Variants in GALNT2 observed in about 807,000 individuals in gnomAD.
GALNT2 encodes polypeptide N-acetylgalactosaminyltransferase 2.
In GALNT2, 31 loss-of-function variants were observed where a neutral mutation model predicts 81.4. The ratio of observed to expected loss-of-function variants is 0.38; its 90% CI spans 0.29 to 0.51. The LOEUF (loss-of-function observed/expected upper bound fraction) is 0.51. Ranked by LOEUF, GALNT2 falls within the 20% of genes least tolerant of loss-of-function variation. The probability of loss-of-function intolerance (pLI) is 0.87; values close to 1 mark genes in which losing one functional copy is unlikely to be tolerated. For synonymous variants in GALNT2, 303 were observed against 287.4 expected (o/e 1.05, Z -0.55); for missense variants, 629 against 765.7 (o/e 0.82, Z 2.11).
chr1:230,146,315 G>A lies in GALNT2; in HGVS notation c.127-31903G>A, dbSNP rs577291423. Among the ~76,000 whole-genome samples, 7 of 152,328 alleles carry A rather than the reference G, an allele frequency of 4.6e-5. No individual in the cohort carries two copies. In the South Asian group the frequency reaches 1.2e-3, roughly 27 times the overall value. On this transcript the variant is annotated intron_variant, in intron 1 of 15. Coordinates refer to ENST00000366672, the MANE Select transcript of GALNT2 (RefSeq NM_004481.5). The stretch of plus-strand genomic sequence containing the variant: ...CCGCACCAGGTCTGAGAACTTGTTC[G>A]CAGCTATTCATGTCTTATGTGTGCC...
chr1:230,226,529 T>G (rs1170434140), intron 3 of GALNT2, among the ~76,000 whole-genome samples: 6 of 152,218 alleles, frequency 3.9e-5, no homozygotes, highest in Non-Finnish European at 7.3e-5. Context: ...GGCTGATGGG[T>G]GCACATGGAG....
chr1:230,216,367 T>C (rs1435384730), intron 3 of GALNT2, among the ~76,000 whole-genome samples: 1 of 152,236 alleles, frequency 6.6e-6, no homozygotes, highest in African/African-American at 2.4e-5. Context: ...TCTAATGAAC[T>C]TAAAAGAAGC....
intron 2 of GALNT2, among the ~76,000 whole-genome samples, chr1:230,192,021 G>A (rs867855642): frequency 8.5e-5 from 13 of 152,328 alleles, no homozygotes; most frequent in South Asian, 6.2e-4. Flanking sequence ...TGATGCCAGT[G>A]TTTCAGAGAC....
rs763413949 is a variant in GALNT2 at position 230,087,927 on chromosome 1, G to A, written c.126+20521G>A. On this transcript the variant is annotated intron_variant, in intron 1 of 15. Coordinates refer to ENST00000366672, the MANE Select transcript of GALNT2 (RefSeq NM_004481.5). ...TGGAAGCTCTGAGAATAATAAAAAC[G>A]ATGAACAGCAGATATTAAGTGACAG... 1.2e-4 allele frequency among the ~76,000 whole-genome samples: 18 copies of A among 152,182 alleles called. 1 individual carries two copies. Among genetic ancestry groups the A allele is most frequent in the Non-Finnish European group, 2.4e-4 (16 of 68,030 alleles).
chr1:230,148,178 C>T (rs1661981189), intron 1 of GALNT2, among the ~76,000 whole-genome samples: 1 of 152,208 alleles, frequency 6.6e-6, no homozygotes, highest in African/African-American at 2.4e-5. Context: ...GGCTGAGAGC[C>T]ACGAGGTGGA....
At chr1:230,222,767 A>G (rs992514018) in intron 3 of GALNT2, among the ~76,000 whole-genome samples, 6 of 152,154 alleles carry the variant, frequency 3.9e-5, no homozygotes, top group Non-Finnish European at 8.8e-5. Context: ...ATGCTAAGCA[A>G]TTTACACACA....
At chr1:230,182,188 TG>T (rs1337618385) in intron 2 of GALNT2, among the ~76,000 whole-genome samples, 3,202 of 124,582 alleles carry the variant, frequency 0.026, 108 homozygotes, top group African/African-American at 0.097. Flanking sequence ...AACCAGTTTT[TG>T]TTTTTGTTTT....
chr1:230,124,779 C>T (rs1298979128), intron 1 of GALNT2, among the ~76,000 whole-genome samples: 2 of 152,162 alleles, frequency 1.3e-5, no homozygotes, highest in African/African-American at 4.8e-5. Context: ...TGGGACCTGC[C>T]GTGATGGTCC....
Position 230,236,078 on chromosome 1 carries a change from G to A in GALNT2, c.439G>A (p.Glu147Lys). Residue 147 changes from glutamate (E) to lysine (K), a missense_variant, in exon 4 of 16, where the codon GAA becomes AAA. Physicochemically the swap from Glu to Lys is moderately conservative, Grantham distance 56. This residue lies in a region of GALNT2 where 360 missense variants were observed against 492.8 expected (regional missense o/e 0.73). Coordinates refer to ENST00000366672, the MANE Select transcript of GALNT2 (RefSeq NM_004481.5). ...CAGCGTGGTGATCACGTTTCACAAT[G>A]AAGCCAGGTCGGCCCTACTCAGGAC... ...ATSVVITFHN[E>K]ARSALLRTVV... 6.2e-7 allele frequency: 1 copy of A among 1,614,094 alleles called. No homozygotes were observed. The highest frequency in any genetic ancestry group is 8.5e-7 in the Non-Finnish European group (1 of 1,180,024).
chr1:230,250,399 C>A (rs1665506986), intron 9 of GALNT2, 58 bp from the exon 10 acceptor site: 2 of 1,315,456 alleles, frequency 1.5e-6, no homozygotes, highest in South Asian at 1.2e-5. Context: ...AGGGTGCTGG[C>A]AATCTAACCT....
At chr1:230,258,299 A>T (rs1191839286) in intron 11 of GALNT2, among the ~76,000 whole-genome samples, 1 of 150,674 alleles carries the variant, frequency 6.6e-6, no homozygotes, top group African/African-American at 2.4e-5. Context: ...GCGTGATCTC[A>T]GCTCACCACA....
At chr1:230,079,969 G>A (rs981213358) in intron 1 of GALNT2, among the ~76,000 whole-genome samples, 1 of 152,202 alleles carries the variant, frequency 6.6e-6, no homozygotes, top group Non-Finnish European at 1.5e-5. Flanking sequence ...AGGAAGATGT[G>A]AATTTGGCGT....
chr1:230,238,131 C>T (rs1665088838), intron 6 of GALNT2, among the ~76,000 whole-genome samples: 3 of 152,178 alleles, frequency 2.0e-5, no homozygotes, highest in African/African-American at 7.2e-5. Flanking sequence ...TATGTGCACA[C>T]TTGCACACAC....
rs773500289 is a variant in GALNT2, at chr1:230,255,089, C to T, written c.1010-129C>T. 3.0e-6 allele frequency: 4 copies of T among 1,331,070 alleles called. No individual in the cohort carries two copies. In the Admixed American group the frequency reaches 7.1e-5, roughly 23 times the overall value. 82.5% of individuals were successfully genotyped at this position (1,331,070 alleles called of 1,614,324 possible). On this transcript the variant is annotated intron_variant, in intron 10 of 15. Coordinates refer to ENST00000366672, the MANE Select transcript of GALNT2 (RefSeq NM_004481.5). The stretch of plus-strand genomic sequence containing the variant: ...AGGAAGGTCCTTATCAGATCTCCTT[C>T]AGCAGCAGAGGGCATGGGAGCCCCA...
At chr1:230,157,695 T>A (rs1020127781) in intron 1 of GALNT2, among the ~76,000 whole-genome samples, 1 of 152,208 alleles carries the variant, frequency 6.6e-6, no homozygotes, top group Non-Finnish European at 1.5e-5. Flanking sequence ...TGTGGATGGA[T>A]CTCTGTACAT....
At chr1:230,253,732 T>C (rs1184138575) in intron 10 of GALNT2, among the ~76,000 whole-genome samples, 1 of 152,138 alleles carries the variant, frequency 6.6e-6, no homozygotes, top group Non-Finnish European at 1.5e-5. Context: ...CTGTATATAT[T>C]ATGGGTCCCT....
chr1:230,245,988 C>G, intron 7 of GALNT2, 75 bp from the exon 8 acceptor site: 1 of 1,246,664 alleles, frequency 8.0e-7, no homozygotes, highest in East Asian at 2.3e-5. Context: ...CTGCCTAATA[C>G]TAATGCCTTC....
At chr1:230,099,078 G>C (rs749675824) in intron 1 of GALNT2, among the ~76,000 whole-genome samples, 1 of 152,202 alleles carries the variant, frequency 6.6e-6, no homozygotes, top group Non-Finnish European at 1.5e-5. Flanking sequence ...GGACTTTCAA[G>C]TTCTTCCTTG....
intron 2 of GALNT2, among the ~76,000 whole-genome samples, chr1:230,197,362 C>T (rs747531620): frequency 5.3e-5 from 8 of 152,142 alleles, no homozygotes; most frequent in Non-Finnish European, 8.8e-5. Flanking sequence ...TACCCCTGCT[C>T]GCCTGGGCAG....
Sources: gnomAD v4.1 joint callset for allele counts (sites outside exome capture counted in the v4.1 genomes callset) on GRCh38, gnomAD v4.1.1 for gene constraint, gnomAD v4.1.1 regional missense constraint, MANE v1.5 for transcripts, NCBI Gene and HGNC (gene_info 2026-07-23, HGNC 2026-07-21) for gene names.